CDH13: variants seen among roughly 807,000 people sequenced by gnomAD.
CDH13 encodes cadherin 13.
A neutral mutation model predicts 63.8 loss-of-function variants in CDH13; 24 were observed. That is an observed-to-expected ratio of 0.38 (90% CI 0.27 to 0.53). CDH13 has a LOEUF of 0.53. Among genes scored for constraint, CDH13 ranks in the 20% least tolerant of loss-of-function variants. The pLI is 0.85. For synonymous variants in CDH13, 503 were observed against 355.3 expected (o/e 1.42, Z -4.67); for missense variants, 1,049 against 903.1 (o/e 1.16, Z -2.07).
chr16:82,810,194 T>G (rs1266928848), intron 1 of CDH13, among the ~76,000 whole-genome samples: 1 of 152,204 alleles, frequency 6.6e-6, no homozygotes, highest in Non-Finnish European at 1.5e-5. Flanking sequence ...ATTTTGAATC[T>G]GTAGGCAAAA....
chr16:83,345,795 G>GA (rs1170661493), intron 6 of CDH13, among the ~76,000 whole-genome samples: 5 of 151,634 alleles, frequency 3.3e-5, no homozygotes, highest in Admixed American at 1.3e-4. Flanking sequence ...ACACTTGAGT[G>GA]AAAAAAAACA....
At chr16:83,724,884 G>A (rs921600820) in intron 10 of CDH13, among the ~76,000 whole-genome samples, 2 of 152,134 alleles carry the variant, frequency 1.3e-5, no homozygotes, top group African/African-American at 4.8e-5. Context: ...TGGCTTCCCA[G>A]CCTTTCTTCC....
chr16:82,731,162 T>G (rs185754258), intron 1 of CDH13, among the ~76,000 whole-genome samples: 20 of 152,330 alleles, frequency 1.3e-4, no homozygotes, highest in African/African-American at 4.8e-4. Flanking sequence ...GTCTTGTTTT[T>G]GAACTAGAAT....
At chr16:83,671,130 C>T (rs572499642) in intron 9 of CDH13, among the ~76,000 whole-genome samples, 158 bp downstream of exon 9, 92 of 152,308 alleles carry the variant, frequency 6.0e-4, no homozygotes, top group African/African-American at 2.1e-3. Context: ...CTTAAGGGTG[C>T]ACTCGTATCC....
At chr16:83,129,345 G>A (rs534060346) in intron 4 of CDH13, among the ~76,000 whole-genome samples, 23 of 152,304 alleles carry the variant, frequency 1.5e-4, no homozygotes, top group Admixed American at 1.0e-3. Context: ...GTATAAAGAC[G>A]TTTGTCTTTG....
chr16:82,657,467 G>C (rs1911431154), intron 1 of CDH13, among the ~76,000 whole-genome samples: 1 of 152,068 alleles, frequency 6.6e-6, no homozygotes, highest in Non-Finnish European at 1.5e-5. Flanking sequence ...GGATGGAGTG[G>C]GATGACAGAA....
intron 5 of CDH13, among the ~76,000 whole-genome samples, chr16:83,304,982 C>G (rs998979882): frequency 2.0e-5 from 3 of 152,134 alleles, no homozygotes; most frequent in African/African-American, 7.2e-5. Context: ...ATTTAAGCTC[C>G]AAGTATGTGT....
intron 7 of CDH13, among the ~76,000 whole-genome samples, chr16:83,534,047 G>A (rs1029587401): frequency 9.9e-5 from 15 of 152,190 alleles, no homozygotes; most frequent in African/African-American, 2.2e-4. Flanking sequence ...GATGGACAGT[G>A]TTGTATAAGG....
At chr16:83,663,356 T>A (rs1417499913) in intron 8 of CDH13, among the ~76,000 whole-genome samples, 5 of 152,194 alleles carry the variant, frequency 3.3e-5, no homozygotes, top group Non-Finnish European at 7.3e-5. Flanking sequence ...GCTAAGATTT[T>A]CAGGAAAGAA....
chr16:82,863,752 A>T (rs1466884349), intron 2 of CDH13, among the ~76,000 whole-genome samples: 1 of 152,226 alleles, frequency 6.6e-6, no homozygotes, highest in Admixed American at 6.5e-5. Context: ...GGCCATCTGA[A>T]ATTGGCTTTA....
At chr16:83,475,576 TTTG>T (rs565199101) in intron 6 of CDH13, among the ~76,000 whole-genome samples, 81 of 152,234 alleles carry the variant, frequency 5.3e-4, no homozygotes, top group African/African-American at 1.7e-3. Context: ...CTATGTGGTT[TTTG>T]TTGTTGTTGT....
At chr16:83,676,809 G>A (rs1234293120) in intron 9 of CDH13, among the ~76,000 whole-genome samples, 2 of 152,152 alleles carry the variant, frequency 1.3e-5, no homozygotes, top group Non-Finnish European at 2.9e-5. Context: ...CATGTCAGCC[G>A]TAATTATTAT....
intron 6 of CDH13, among the ~76,000 whole-genome samples, chr16:83,426,509 TCA>T (rs10545707): frequency 0.24 from 34,772 of 146,332 alleles, 4,080 homozygotes; most frequent in East Asian, 0.32. Context: ...ATGGAAACAA[TCA>T]CACACACACA....
At chr16:83,290,340 T>C (rs951668661) in intron 5 of CDH13, among the ~76,000 whole-genome samples, 5 of 152,138 alleles carry the variant, frequency 3.3e-5, no homozygotes, top group Non-Finnish European at 5.9e-5. Context: ...AATAATCCCC[T>C]CGTGTCATGG....
chr16:83,094,828 G>A (rs1411976279), intron 3 of CDH13, among the ~76,000 whole-genome samples: 1 of 152,092 alleles, frequency 6.6e-6, no homozygotes, highest in Non-Finnish European at 1.5e-5. Context: ...TTTCCTCTAT[G>A]GTTATAGCTT....
intron 6 of CDH13, among the ~76,000 whole-genome samples, chr16:83,401,414 A>C (rs954030705): frequency 6.6e-6 from 1 of 151,930 alleles, no homozygotes; most frequent in Non-Finnish European, 1.5e-5. Context: ...TGGGAAGCTG[A>C]GGTGGGAGAA....
intron 1 of CDH13, among the ~76,000 whole-genome samples, chr16:82,856,493 G>A (rs190240556): frequency 4.0e-5 from 6 of 151,544 alleles, no homozygotes; most frequent in Non-Finnish European, 8.8e-5. Flanking sequence ...CTTAAGCTCA[G>A]GAGTTTGAGA....
chr16:82,796,890 T>G (rs1277918333), intron 1 of CDH13, among the ~76,000 whole-genome samples: 1 of 152,246 alleles, frequency 6.6e-6, no homozygotes, highest in Non-Finnish European at 1.5e-5. Flanking sequence ...CCTGTGGACC[T>G]ATGTGTACTG....
At chr16:82,986,002 G>C (rs928750404) in intron 2 of CDH13, among the ~76,000 whole-genome samples, 2 of 152,064 alleles carry the variant, frequency 1.3e-5, no homozygotes, top group African/African-American at 4.8e-5. Context: ...CATGCTTCCT[G>C]TAAAGCCTAC....
Sources: allele counts gnomAD v4.1 joint callset (sites outside exome capture counted in the v4.1 genomes callset), GRCh38; gene constraint gnomAD v4.1.1; transcripts MANE v1.5; gene names NCBI Gene and HGNC (gene_info 2026-07-23, HGNC 2026-07-21).